GUCY2D: variants seen among roughly 807,000 people sequenced by gnomAD.
GUCY2D encodes the protein retinal guanylyl cyclase 1.
Under a neutral mutation model 101.3 loss-of-function variants are expected in GUCY2D, and 70 were observed. That is an observed-to-expected ratio of 0.69 (90% confidence interval 0.57 to 0.84). The LOEUF is 0.84. GUCY2D is among the 40% of genes least tolerant of loss of function. The pLI, the probability that GUCY2D is intolerant of heterozygous loss-of-function variation, is 0.00. For synonymous variants in GUCY2D, 688 were observed against 670.7 expected (o/e 1.03, Z -0.40); for missense variants, 1,460 against 1,542.5 (o/e 0.95, Z 0.90).
intron 14 of GUCY2D, 70 bp from the exon 15 acceptor site, chr17:8,015,258 A>G: frequency 6.9e-7 from 1 of 1,445,994 alleles, no homozygotes; most frequent in South Asian, 1.1e-5. Flanking sequence ...CCCGGTGACA[A>G]GAGGCAATCG....
In GUCY2D at chr17:8,015,997, G is replaced by A. The variant is rs774012066; in HGVS notation, c.3114G>A (p.Glu1038=). 3 of 1,610,380 alleles carry A rather than the reference G, an allele frequency of 1.9e-6. No homozygotes were observed. The highest frequency in any genetic ancestry group is 2.5e-6 in the Non-Finnish European group (3 of 1,178,820). ...LRALDSGYQV[E]LRGRTELKGK... is the part of the protein sequence containing the mutation. ...CTCTGGACTCGGGCTACCAGGTGGA[G>A]CTGCGAGGCCGCACGGAGCTGAAGG... The change falls in exon 17 of 20, where the codon GAG becomes GAA. Residue 1038 remains glutamate, a synonymous_variant. Transcript: ENST00000254854.
rs1363193636 is a variant in GUCY2D, at chr17:8,003,169, T to C, written c.122T>C (p.Leu41Pro). ...CTGCCCCGGCTCCCGCTCCTGCTGC[T>C]CCTGCTTCTGCTGCAGCCCCCCGCC... ...RALPRLPLLL[L>P]LLLLQPPALS... Residue 41 changes from leucine (L) to proline (P), a missense_variant, in exon 2 of 20, where the codon CTC (leucine) becomes CCC (proline). This residue lies in a region of GUCY2D where 1,196 missense variants were observed against 1,229.6 expected (regional missense o/e 0.97). Transcript: ENST00000254854. 1 of 1,511,860 alleles carries C rather than the reference T, an allele frequency of 6.6e-7. No individual in the cohort carries two copies. Among genetic ancestry groups the C allele is most frequent in the East Asian group, 2.6e-5 (1 of 38,090 alleles). The allele number at this position is 1,511,860 out of a possible 1,614,324, so 93.7% of individuals were successfully genotyped here.
At chr17:8,009,379 C>T in intron 7 of GUCY2D, 127 bp from the exon 8 acceptor site, 2 of 779,060 alleles carry the variant, frequency 2.6e-6, no homozygotes, top group East Asian at 2.4e-5. Flanking sequence ...TGGTTCAATG[C>T]ATTTTGTCAC....
In GUCY2D at chr17:8,016,451, A is replaced by G; in HGVS notation, c.3233A>G (p.Asn1078Ser). ...CCGCCCCCTCCTTGCAGGTCCAGCA[A>G]CCACGGCATCAGCCTGCAGGAGATC... is the stretch of plus-strand genomic sequence containing the variant. ...KPPDLQPGSS[N>S]HGISLQEIPP... is the part of the protein sequence containing the mutation. The change falls in exon 19 of 20, where the codon AAC (asparagine) becomes AGC (serine). Residue 1078 changes from asparagine to serine, a missense_variant. This residue lies in a region of GUCY2D where 215 missense variants were observed against 227.9 expected (regional missense o/e 0.94). Coordinates refer to ENST00000254854, the MANE Select transcript of GUCY2D (RefSeq NM_000180.4). 6.4e-7 allele frequency: 1 copy of G among 1,567,988 alleles called. No homozygotes were observed. The highest frequency in any genetic ancestry group is 8.6e-7 in the Non-Finnish European group (1 of 1,156,890).
chr17:8,012,031 A>G lies in GUCY2D; in HGVS notation c.1750-113A>G, dbSNP rs113332317. ...TACCTTATCAACCATTTCATCCACC[A>G]TTTGTAAAAATCTCATCTTCTGGGT... is the stretch of plus-strand genomic sequence containing the variant. On this transcript the variant is annotated intron_variant, in intron 8 of 19. Coordinates refer to ENST00000254854, the MANE Select transcript of GUCY2D (RefSeq NM_000180.4). 1.8e-4 allele frequency: 142 copies of G among 768,926 alleles called. 1 individual carries two copies. The African/African-American group carries it at 2.1e-3, about 12-fold the overall frequency. 47.6% of individuals were successfully genotyped at this position (768,926 alleles called of 1,614,324 possible).
Position 8,006,649 on chromosome 17 carries a change from G to A in GUCY2D, c.1313G>A (p.Arg438His). Residue 438 changes from arginine (R) to histidine (H), a missense_variant, in exon 4 of 20, where the codon CGT (arginine) becomes CAT (histidine). By Grantham distance (29) the Arg-to-His change is conservative. Coordinates refer to ENST00000254854, the MANE Select transcript of GUCY2D (RefSeq NM_000180.4). ...GCCGGTACCCGGATGCACTTCCCGC[G>A]TGGGGGATCAGCACCCGGACCTGAC... ...LSAGTRMHFPRGGSAPGPDPS... is the reference protein window; with the variant it reads ...LSAGTRMHFPHGGSAPGPDPS... 7 of 1,612,766 alleles carry A rather than the reference G, an allele frequency of 4.3e-6. No individual in the cohort carries two copies. Among genetic ancestry groups the A allele is most frequent in the Non-Finnish European group, 5.9e-6 (7 of 1,179,528 alleles).
rs1478566225 is a variant in GUCY2D, at chr17:8,003,965, G to A, written c.835G>A (p.Asp279Asn). ...TGGCTCCCTGGTCTTCCTGCCCTTC[G>A]ACACGATCCACTACGCCTTGTCCCC... is the stretch of plus-strand genomic sequence containing the variant. Reference protein sequence around the residue: ...TDGSLVFLPFDTIHYALSPGP... With the variant: ...TDGSLVFLPFNTIHYALSPGP... Residue 279 changes from aspartate to asparagine, a missense_variant, in exon 3 of 20, where the codon GAC becomes AAC. Around this residue, in one of 3 missense-constraint regions of GUCY2D, gnomAD observed 1,196 missense variants for 1,229.6 expected, o/e 0.97. Transcript: ENST00000254854. 1.9e-6 allele frequency: 3 copies of A among 1,613,708 alleles called. No homozygotes were observed. In the East Asian group the frequency reaches 6.7e-5, roughly 36 times the overall value.
In GUCY2D at chr17:8,003,549, G is replaced by C. The variant is rs756319569; in HGVS notation, c.502G>C (p.Ala168Pro). Reference sequence around the variant, plus strand: ...CACCACGGCCCCTGCCGTGACCCCCGCCGCGGATGCCCTCTACGCCCTGCT... The same window carrying C: ...CACCACGGCCCCTGCCGTGACCCCCCCCGCGGATGCCCTCTACGCCCTGCT... Reference protein sequence around the residue: ...EGTTAPAVTPAADALYALLRA... With the variant: ...EGTTAPAVTPPADALYALLRA... Residue 168 changes from alanine to proline, a missense_variant, in exon 2 of 20, where the codon GCC becomes CCC. Around this residue, in one of 3 missense-constraint regions of GUCY2D, gnomAD observed 1,196 missense variants for 1,229.6 expected, o/e 0.97. Transcript: ENST00000254854. 6.4e-7 allele frequency: 1 copy of C among 1,561,332 alleles called. No individual in the cohort carries two copies. The highest frequency in any genetic ancestry group is 8.6e-7 in the Non-Finnish European group (1 of 1,161,606).
chr17:8,003,589 G>A lies in GUCY2D; in HGVS notation c.542G>A (p.Trp181Ter). ...TACGCCCTGCTTCGCGCATTCGGCT[G>A]GGCGCGCGTGGCCCTGGTCACCGCC... ...ALYALLRAFG[W>*]ARVALVTAPQ... The change falls in exon 2 of 20, where the codon TGG (tryptophan) becomes TAG (stop). Residue 181 changes from tryptophan to a stop codon, truncating the protein, a stop_gained. Coordinates refer to ENST00000254854, the MANE Select transcript of GUCY2D (RefSeq NM_000180.4). LOFTEE classifies it high-confidence loss of function. 1 of 1,585,494 alleles carries A rather than the reference G, an allele frequency of 6.3e-7. No homozygotes were observed. The highest frequency in any genetic ancestry group is 8.5e-7 in the Non-Finnish European group (1 of 1,172,480).
Position 8,006,573 on chromosome 17 carries a change from C to T in GUCY2D, c.1237C>T (p.Arg413Trp), listed in dbSNP as rs531612488. ...VLLDTDAAGD[R>W]LFATYMLDPA... The stretch of plus-strand genomic sequence containing the variant: ...GCTAGACACGGACGCGGCGGGAGAC[C>T]GGCTTTTTGCCACATACATGCTGGA... Residue 413 changes from arginine to tryptophan, a missense_variant, in exon 4 of 20, where the codon CGG (arginine) becomes TGG (tryptophan). By Grantham distance (101) the Arg-to-Trp change is moderately radical (BLOSUM62 -3). This residue lies in a region of GUCY2D where 1,196 missense variants were observed against 1,229.6 expected (regional missense o/e 0.97). Transcript: ENST00000254854. 7 of 1,613,490 alleles carry T rather than the reference C, an allele frequency of 4.3e-6. No homozygotes were observed. The Admixed American group carries it at 6.7e-5, about 15-fold the overall frequency.
At position 8,009,583 on chromosome 17, in the gene GUCY2D, C is replaced by G. The variant is rs1367416178; in HGVS notation, c.1746C>G (p.Ser582=). The G allele has an allele frequency of 1.2e-6, 2 of 1,607,636 alleles. No individual in the cohort carries two copies. The highest frequency in any genetic ancestry group is 1.7e-6 in the Non-Finnish European group (2 of 1,174,048). The change falls in exon 8 of 20, where the codon TCC becomes TCG. Residue 582 remains serine (S), a synonymous_variant. Coordinates refer to ENST00000254854, the MANE Select transcript of GUCY2D (RefSeq NM_000180.4). ...AIRPATKTAF[S]KLQELRHENV... is the part of the protein sequence containing the mutation. ...GCCCAGCAACCAAGACGGCCTTCTCCAAGGTGAGACTTGGGCCTGTGATGG... is the reference window on the plus strand; with the variant it reads ...GCCCAGCAACCAAGACGGCCTTCTCGAAGGTGAGACTTGGGCCTGTGATGG...
At chr17:8,010,808 CAAAA>C (rs566986521) in intron 8 of GUCY2D, among the ~76,000 whole-genome samples, 2 of 71,686 alleles carry the variant, frequency 2.8e-5, no homozygotes, top group African/African-American at 4.6e-5. Flanking sequence ...GATTCCGTCT[CAAAA>C]AAAAAAAAAA....
chr17:8,006,264 T>C, intron 3 of GUCY2D, 99 bp from the exon 4 acceptor site: 1 of 867,846 alleles, frequency 1.2e-6, no homozygotes, highest in South Asian at 1.4e-5. Flanking sequence ...AACTGGAAGG[T>C]GGCAACAGTG....
chr17:8,017,660 G>C (rs919845897), intron 19 of GUCY2D, among the ~76,000 whole-genome samples: 1 of 152,202 alleles, frequency 6.6e-6, no homozygotes, highest in Non-Finnish European at 1.5e-5. Context: ...GAGCTGCTGA[G>C]CAAGCAGTTG....
Position 8,007,062 on chromosome 17 carries a change from C to G in GUCY2D, c.1381C>G (p.Leu461Val). Residue 461 changes from leucine to valine, a missense_variant and splice_region_variant, in exon 5 of 20, where the codon CTG becomes GTG. Transcript: ENST00000254854. Reference sequence around the variant, plus strand: ...ACCTCCTGTCACTGTCCCTTCAGGACTGGAGCCGGGCCTCGTCTTTCTTGG... The same window carrying G: ...ACCTCCTGTCACTGTCCCTTCAGGAGTGGAGCCGGGCCTCGTCTTTCTTGG... ...FDPNNICGGG[L>V]EPGLVFLGFL... 5 of 1,613,656 alleles carry G rather than the reference C, an allele frequency of 3.1e-6. No individual in the cohort carries two copies. Among genetic ancestry groups the G allele is most frequent in the Non-Finnish European group, 4.2e-6 (5 of 1,179,528 alleles).
rs1368309516 is a variant in GUCY2D at position 8,020,285 on chromosome 17, T to A, written c.*182T>A. On this transcript the variant is annotated 3_prime_UTR_variant, in exon 20 of 20. Coordinates refer to ENST00000254854, the MANE Select transcript of GUCY2D (RefSeq NM_000180.4). The stretch of plus-strand genomic sequence containing the variant: ...ACCTTGCACCGTGGATACCAGGCCA[T>A]GTGCCATGGTATTTGGGTCCTGGGA... 6.6e-6 allele frequency: 1 copy of A among 152,046 alleles called. No individual in the cohort carries two copies. The highest frequency in any genetic ancestry group is 1.5e-5 in the Non-Finnish European group (1 of 68,068). 9.4% of individuals were successfully genotyped at this position (152,046 alleles called of 1,614,324 possible).
Position 8,013,071 on chromosome 17 carries a change from C to A in GUCY2D, c.2114-32C>A. 6.2e-7 allele frequency: 1 copy of A among 1,602,064 alleles called. No individual in the cohort carries two copies. Among genetic ancestry groups the A allele is most frequent in the South Asian group, 1.1e-5 (1 of 90,728 alleles). ...TCTGGTGAGGGTGGGAGTCTTTCCC[C>A]AGCGGCGCCTCAGCCCCTTCCCCAT... On this transcript the variant is annotated intron_variant, in intron 10 of 19. Transcript: ENST00000254854. This position sits in a 1 kb window ranked among gnomAD's most constrained non-coding sequence, Gnocchi z 5.0.
At chr17:8,009,659 G>A (rs1975812584) in intron 8 of GUCY2D, 73 bp downstream of exon 8, 1 of 978,666 alleles carries the variant, frequency 1.0e-6, no homozygotes, top group African/African-American at 1.6e-5. Flanking sequence ...TTGCAGCTGG[G>A]TACAGAGGTA....
chr17:8,007,555 A>T, intron 6 of GUCY2D, 27 bp downstream of exon 6: 1 of 1,414,062 alleles, frequency 7.1e-7, no homozygotes, highest in Non-Finnish European at 1.0e-6. Flanking sequence ...GGCAGGAGCC[A>T]GTTGTCTTCT....
Sources: allele counts gnomAD v4.1 joint callset (sites outside exome capture counted in the v4.1 genomes callset), GRCh38; gene constraint gnomAD v4.1.1; regional missense constraint gnomAD v4.1.1; non-coding constraint Gnocchi (gnomAD v3.1); transcripts MANE v1.5; gene names NCBI Gene and HGNC (gene_info 2026-07-23, HGNC 2026-07-21).